UXS1: variants seen among roughly 807,000 people sequenced by gnomAD.
The protein encoded by UXS1 is UDP-glucuronic acid decarboxylase 1.
UXS1 carries 33 observed loss-of-function variants against 62.6 expected under a neutral mutation model. The observed-to-expected ratio is 0.53, with a 90% CI of 0.40 to 0.70. The LOEUF is 0.70. UXS1 is among the 30% of genes least tolerant of loss of function. The pLI, the probability that UXS1 is intolerant of heterozygous loss-of-function variation, is 0.00. For missense variants in UXS1, 434 were observed against 556.3 expected, an observed-to-expected ratio of 0.78 and a Z score of 2.21; for synonymous variants, 213 against 206.8, an observed-to-expected ratio of 1.03 and a Z score of -0.26.
At chr2:106,167,143 G>T (rs1017630163) in intron 1 of UXS1, among the ~76,000 whole-genome samples, 1 of 152,176 alleles carries the variant, frequency 6.6e-6, no homozygotes, top group African/African-American at 2.4e-5. Context: ...ATCAACAGCA[G>T]ATGACTTTAA....
intron 4 of UXS1, 100 bp from the exon 5 acceptor site, chr2:106,158,218 ATTGTTTGC>A: frequency 9.6e-7 from 1 of 1,043,708 alleles, no homozygotes; most frequent in African/African-American, 1.6e-5. Context: ...TGGGACTGTT[ATTGTTTGC>A]TCTTCTCTCC....
At chr2:106,149,656 G>T (rs1291831623) in intron 5 of UXS1, among the ~76,000 whole-genome samples, 3 of 152,126 alleles carry the variant, frequency 2.0e-5, no homozygotes, top group African/African-American at 7.2e-5. Flanking sequence ...CCCAGTCTTA[G>T]GTACTCTGTC....
chr2:106,193,284 C>T (rs1323709198), intron 1 of UXS1, among the ~76,000 whole-genome samples: 1 of 152,110 alleles, frequency 6.6e-6, no homozygotes, highest in Non-Finnish European at 1.5e-5. Context: ...TCAAACGCAG[C>T]TCACACTGGG....
chr2:106,175,645 T>C (rs1309775393), intron 1 of UXS1, among the ~76,000 whole-genome samples: 3 of 152,146 alleles, frequency 2.0e-5, no homozygotes, highest in Non-Finnish European at 2.9e-5. Context: ...TGAACCACCA[T>C]GCGTGAAGTC....
At chr2:106,119,852 T>A (rs1679381898) in intron 9 of UXS1, among the ~76,000 whole-genome samples, 1 of 152,202 alleles carries the variant, frequency 6.6e-6, no homozygotes, top group African/African-American at 2.4e-5. Flanking sequence ...ACAATCTTTA[T>A]ATAGTGGTGT....
chr2:106,136,900 C>A (rs1680679901), intron 6 of UXS1, among the ~76,000 whole-genome samples: 1 of 118,066 alleles, frequency 8.5e-6, no homozygotes, highest in East Asian at 2.6e-4. Context: ...TACCCTAAAA[C>A]TTAAAGTATA....
chr2:106,096,963 C>T (rs757279111), intron 13 of UXS1, 142 bp from the exon 14 acceptor site: 20 of 834,774 alleles, frequency 2.4e-5, no homozygotes, highest in Admixed American at 4.0e-5. Context: ...TGAGAAGCCC[C>T]GGAGCTCCCG....
intron 1 of UXS1, among the ~76,000 whole-genome samples, chr2:106,180,051 G>A (rs1684142794): frequency 6.6e-6 from 1 of 152,096 alleles, no homozygotes; most frequent in Middle Eastern, 3.2e-3. Context: ...AGAGATTGCA[G>A]TGAGCCGAGA....
chr2:106,168,368 G>A (rs1040891647), intron 1 of UXS1, among the ~76,000 whole-genome samples: 1 of 152,168 alleles, frequency 6.6e-6, no homozygotes, highest in Non-Finnish European at 1.5e-5. Context: ...GAGGAGGTGT[G>A]AATAATCCAC....
intron 5 of UXS1, among the ~76,000 whole-genome samples, chr2:106,148,464 C>T (rs1406649724): frequency 6.6e-6 from 1 of 152,200 alleles, no homozygotes; most frequent in African/African-American, 2.4e-5. Flanking sequence ...CTAACATTAT[C>T]TCTGCACCCA....
At chr2:106,096,011 T>C (rs534850702) in intron 14 of UXS1, among the ~76,000 whole-genome samples, 60 of 152,330 alleles carry the variant, frequency 3.9e-4, no homozygotes, top group African/African-American at 1.4e-3. Context: ...GCAGTTCCCC[T>C]TCCTCCACAC....
At chr2:106,130,127 AT>A (rs74265821) in intron 6 of UXS1, among the ~76,000 whole-genome samples, 341 of 145,392 alleles carry the variant, frequency 2.3e-3, no homozygotes, top group Non-Finnish European at 2.4e-3. Context: ...TTAATCATGA[AT>A]TTTTTTTTTT....
At chr2:106,094,966 AAC>A (rs1048894849) in intron 14 of UXS1, among the ~76,000 whole-genome samples, 1 of 152,208 alleles carries the variant, frequency 6.6e-6, no homozygotes, top group Non-Finnish European at 1.5e-5. Flanking sequence ...CAAGCTGTTA[AAC>A]ACACACACTT....
intron 9 of UXS1, among the ~76,000 whole-genome samples, chr2:106,119,827 C>T (rs1223223937): frequency 3.9e-5 from 6 of 152,134 alleles, no homozygotes; most frequent in Admixed American, 6.5e-5. Flanking sequence ...TTCATTTCAA[C>T]GTTTTATATC....
In UXS1 at chr2:106,123,180, C is replaced by T. The variant is rs541546935; in HGVS notation, c.638-89G>A. On this transcript the variant is annotated intron_variant, in intron 8 of 14. Coordinates refer to ENST00000283148, the MANE Select transcript of UXS1 (RefSeq NM_001253875.2). ...ATATTTATGATGCAAAAGGGAACTT[C>T]GGAAAGACCCATTTAGAGATGGAGA... 87 of 1,561,516 alleles carry T rather than the reference C, an allele frequency of 5.6e-5. 1 individual carries two copies. In the Admixed American group the frequency reaches 7.0e-4, roughly 13 times the overall value.
intron 6 of UXS1, chr2:106,138,711 AG>A (rs1196585466): frequency 1.9e-5 from 19 of 985,346 alleles, no homozygotes; most frequent in Non-Finnish European, 2.2e-5. Context: ...CGGAAGGCTG[AG>A]GGCCGCCCCA....
intron 1 of UXS1, among the ~76,000 whole-genome samples, chr2:106,174,266 G>A (rs1683738627): frequency 6.6e-6 from 1 of 152,196 alleles, no homozygotes; most frequent in African/African-American, 2.4e-5. Flanking sequence ...AGAAAGCTGG[G>A]CTCCGGACAG....
intron 1 of UXS1, among the ~76,000 whole-genome samples, chr2:106,173,486 T>G (rs1683691491): frequency 6.6e-6 from 1 of 151,930 alleles, no homozygotes; most frequent in Non-Finnish European, 1.5e-5. Flanking sequence ...CCCAGGAGGT[T>G]GAGGCTGCAG....
intron 11 of UXS1, 136 bp from the exon 12 acceptor site, chr2:106,101,254 G>A (rs936306152): frequency 1.7e-5 from 14 of 804,820 alleles, no homozygotes; most frequent in African/African-American, 5.2e-5. Context: ...ATTGAATGTC[G>A]AAACAAAATC....
Sources: allele counts gnomAD v4.1 joint callset (sites outside exome capture counted in the v4.1 genomes callset), GRCh38; gene constraint gnomAD v4.1.1; transcripts MANE v1.5; gene names NCBI Gene and HGNC (gene_info 2026-07-23, HGNC 2026-07-21).